Variants in GULP1 observed in about 807,000 individuals in gnomAD.
The protein encoded by GULP1 is GULP PTB domain containing engulfment adaptor 1, also known as PTB domain-containing engulfment adapter protein 1.
In GULP1, 19 loss-of-function variants were observed where a neutral mutation model predicts 40.9. That is an observed-to-expected ratio of 0.46 (90% CI 0.32 to 0.68). The LOEUF (loss-of-function observed/expected upper bound fraction) is 0.68. Among genes scored for constraint, GULP1 ranks in the 30% least tolerant of loss-of-function variants. The pLI, the probability that GULP1 is intolerant of heterozygous loss-of-function variation, is 0.03. For missense variants in GULP1, 312 were observed against 362.2 expected, an observed-to-expected ratio of 0.86 and a Z score of 1.12; for synonymous variants, 119 against 117.6, an observed-to-expected ratio of 1.01 and a Z score of -0.08.
At chr2:188,532,984 G>A (rs980824664) in intron 6 of GULP1, among the ~76,000 whole-genome samples, 1 of 152,040 alleles carries the variant, frequency 6.6e-6, no homozygotes. Flanking sequence ...AACAAGTTAG[G>A]CTATCATATC....
intron 3 of GULP1, among the ~76,000 whole-genome samples, chr2:188,478,124 C>T (rs1284569177): frequency 6.6e-6 from 1 of 151,834 alleles, no homozygotes; most frequent in African/African-American, 2.4e-5. Flanking sequence ...TGTGTGTGTG[C>T]ACAGGCTTCA....
intron 1 of GULP1, among the ~76,000 whole-genome samples, chr2:188,338,191 C>T (rs2042516474): frequency 6.6e-6 from 1 of 151,900 alleles, no homozygotes; most frequent in Admixed American, 6.6e-5. Flanking sequence ...ATGAACAATT[C>T]CTCTCTGAGA....
chr2:188,440,465 G>A (rs762077293), intron 2 of GULP1, among the ~76,000 whole-genome samples: 2 of 152,138 alleles, frequency 1.3e-5, no homozygotes, highest in African/African-American at 2.4e-5. Context: ...TGATATTGTA[G>A]TATTTCAACT....
intron 11 of GULP1, chr2:188,590,978 TGAAAA>T (rs1415480920): frequency 1.3e-5 from 2 of 152,066 alleles, no homozygotes; most frequent in Non-Finnish European, 2.9e-5. Context: ...ACTTTTGAAT[TGAAAA>T]GAAAATTTTA....
intron 6 of GULP1, 127 bp downstream of exon 6, chr2:188,529,322 C>A: frequency 2.0e-6 from 1 of 510,050 alleles, no homozygotes. Context: ...CAGTTCGAAA[C>A]TCTAGGAGTT....
intron 1 of GULP1, among the ~76,000 whole-genome samples, chr2:188,322,013 GA>G (rs1367096055): frequency 6.6e-6 from 1 of 152,024 alleles, no homozygotes; most frequent in East Asian, 1.9e-4. Flanking sequence ...CAACAGGAGT[GA>G]AACTCTGTCT....
At chr2:188,450,220 A>G (rs2058725492) in intron 2 of GULP1, among the ~76,000 whole-genome samples, 1 of 152,160 alleles carries the variant, frequency 6.6e-6, no homozygotes, top group African/African-American at 2.4e-5. Flanking sequence ...AACATGATGA[A>G]AATAATTATT....
intron 6 of GULP1, among the ~76,000 whole-genome samples, chr2:188,534,974 G>A (rs1688535205): frequency 6.6e-6 from 1 of 151,330 alleles, no homozygotes; most frequent in Admixed American, 6.6e-5. Flanking sequence ...CTGTCCACAA[G>A]TCTCGATTTC....
chr2:188,574,128 A>G (rs1699698231), intron 9 of GULP1, among the ~76,000 whole-genome samples: 1 of 152,206 alleles, frequency 6.6e-6, no homozygotes. Flanking sequence ...AATAAAAGAC[A>G]TATTTAATCT....
At chr2:188,408,110 T>G (rs1398865310) in intron 2 of GULP1, among the ~76,000 whole-genome samples, 1 of 152,082 alleles carries the variant, frequency 6.6e-6, no homozygotes, top group African/African-American at 2.4e-5. Flanking sequence ...GTTATCAGGG[T>G]GAGGCCAATG....
intron 2 of GULP1, among the ~76,000 whole-genome samples, chr2:188,468,059 A>G (rs1450356018): frequency 1.3e-5 from 2 of 152,288 alleles, no homozygotes; most frequent in Admixed American, 6.5e-5. Flanking sequence ...ACTTCAATGA[A>G]ACTTTTGTCT....
chr2:188,462,388 G>A (rs907086944), intron 2 of GULP1, among the ~76,000 whole-genome samples: 1 of 152,158 alleles, frequency 6.6e-6, no homozygotes, highest in East Asian at 1.9e-4. Flanking sequence ...AGAACAGAAT[G>A]TGTATTCTGC....
intron 1 of GULP1, among the ~76,000 whole-genome samples, chr2:188,309,872 A>C (rs974064552): frequency 6.6e-6 from 1 of 152,230 alleles, no homozygotes; most frequent in Non-Finnish European, 1.5e-5. Context: ...GCTATGTGCC[A>C]ACTACTGTGC....
intron 4 of GULP1, among the ~76,000 whole-genome samples, chr2:188,515,779 C>G (rs1289099503): frequency 6.6e-6 from 1 of 151,912 alleles, no homozygotes; most frequent in Non-Finnish European, 1.5e-5. Flanking sequence ...TTTACCTGAT[C>G]GCTACCCAGC....
intron 4 of GULP1, among the ~76,000 whole-genome samples, chr2:188,498,698 T>A (rs1487078366): frequency 6.6e-6 from 1 of 151,716 alleles, no homozygotes; most frequent in Non-Finnish European, 1.5e-5. Flanking sequence ...AATAATATAT[T>A]ATGTAGTTTC....
chr2:188,302,006 A>G (rs898590047), intron 1 of GULP1, among the ~76,000 whole-genome samples: 4 of 152,230 alleles, frequency 2.6e-5, no homozygotes, highest in African/African-American at 7.2e-5. Context: ...CTTGAATAAA[A>G]TATTTGGCTA....
intron 2 of GULP1, among the ~76,000 whole-genome samples, chr2:188,396,474 AG>A (rs1223620589): frequency 2.6e-5 from 4 of 152,220 alleles, no homozygotes; most frequent in African/African-American, 9.6e-5. Context: ...TGTTCCACTC[AG>A]CTCCCCACAC....
chr2:188,443,901 G>A (rs575590137), intron 2 of GULP1, among the ~76,000 whole-genome samples: 1 of 152,148 alleles, frequency 6.6e-6, no homozygotes, highest in South Asian at 2.1e-4. Flanking sequence ...TCAATTAAGA[G>A]TAGTAATTCT....
At chr2:188,490,179 A>C (rs978503314) in intron 4 of GULP1, among the ~76,000 whole-genome samples, 1 of 152,138 alleles carries the variant, frequency 6.6e-6, no homozygotes, top group Non-Finnish European at 1.5e-5. Context: ...TTTAGTATTC[A>C]TTATTCAAAC....
Sources: gnomAD v4.1 joint callset for allele counts (sites outside exome capture counted in the v4.1 genomes callset) on GRCh38, gnomAD v4.1.1 for gene constraint, MANE v1.5 for transcripts, NCBI Gene and HGNC (gene_info 2026-07-23, HGNC 2026-07-21) for gene names.